CACNB3: variants seen among roughly 807,000 people sequenced by gnomAD.
CACNB3 encodes voltage-dependent L-type calcium channel subunit beta-3.
Under a neutral mutation model 63.7 loss-of-function variants are expected in CACNB3, and 36 were observed. The ratio of observed to expected loss-of-function variants is 0.57; its 90% CI spans 0.43 to 0.75. The LOEUF is 0.75. CACNB3 is among the 30% of genes least tolerant of loss of function. The pLI is 0.00. For synonymous variants in CACNB3, 241 were observed against 250.6 expected, an observed-to-expected ratio of 0.96 and a Z score of 0.36; for missense variants, 493 against 648.6, an observed-to-expected ratio of 0.76 and a Z score of 2.61.
chr12:48,824,862 G>T, intron 5 of CACNB3, 87 bp from the exon 6 acceptor site: 1 of 1,544,828 alleles, frequency 6.5e-7, no homozygotes, highest in Admixed American at 1.7e-5. Context: ...GGAGAAGCCA[G>T]TATCTCCCCT....
At chr12:48,815,618 G>A (rs995050951), upstream of CACNB3, 4 of 1,533,950 alleles carry the variant, frequency 2.6e-6, no homozygotes, top group South Asian at 4.8e-5. Context: ...GTGCAGAGCA[G>A]CGGCCGGGTT....
At chr12:48,817,467 TCC>T (rs1942312711), upstream of CACNB3, among the ~76,000 whole-genome samples, 1 of 152,104 alleles carries the variant, frequency 6.6e-6, no homozygotes, top group Non-Finnish European at 1.5e-5. Flanking sequence ...CCAGGAGGCC[TCC>T]AAGTGTAACC....
At chr12:48,816,321 A>G (rs1942286977), upstream of CACNB3, among the ~76,000 whole-genome samples, 1 of 152,210 alleles carries the variant, frequency 6.6e-6, no homozygotes. Context: ...GGTACCTGCC[A>G]GCTGCCAGTC....
upstream of CACNB3, chr12:48,816,752 G>A (rs1332164301): frequency 1.1e-5 from 7 of 666,084 alleles, no homozygotes; most frequent in South Asian, 1.4e-4. Flanking sequence ...TGGCAGATCC[G>A]CTGTTACCTA....
At chr12:48,815,620 G>C, upstream of CACNB3, 5 of 1,534,240 alleles carry the variant, frequency 3.3e-6, no homozygotes, top group Non-Finnish European at 2.6e-6. Context: ...GCAGAGCAGC[G>C]GCCGGGTTTT....
upstream of CACNB3, chr12:48,815,734 C>A: frequency 1.7e-6 from 1 of 604,376 alleles, no homozygotes; most frequent in Non-Finnish European, 2.5e-6. Context: ...ACGAGGTAAC[C>A]GTGGGGGGGG....
At chr12:48,815,463 G>C, upstream of CACNB3, 1 of 1,082,802 alleles carries the variant, frequency 9.2e-7, no homozygotes, top group East Asian at 2.7e-5. Flanking sequence ...GAGAGCCAGA[G>C]ACTGACAGAG....
rs931598717 is a variant in CACNB3, at chr12:48,823,083, G to C, written c.46-261G>C. On this transcript the variant is annotated intron_variant, in intron 1 of 12. Coordinates refer to ENST00000301050, the MANE Select transcript of CACNB3 (RefSeq NM_000725.4). The surrounding 1 kb of genome is among the most constrained non-coding windows in gnomAD (Gnocchi z 4.2). ...AAAGGGAGGAAAGAGAGAAGTGAAG[G>C]CTCTATTCAAAGCTGCAGTATTAAT... Among the ~76,000 whole-genome samples, 1 of 152,304 alleles carries C rather than the reference G, an allele frequency of 6.6e-6. No individual in the cohort carries two copies. Among genetic ancestry groups the C allele is most frequent in the South Asian group, 2.1e-4 (1 of 4,830 alleles).
At chr12:48,819,578 A>C (rs565493847) in intron 1 of CACNB3, 3 of 400,564 alleles carry the variant, frequency 7.5e-6, no homozygotes, top group South Asian at 5.2e-5. Flanking sequence ...TCCCAGGCTG[A>C]AACCTGGGCG....
rs755430012 is a variant in CACNB3, at chr12:48,824,668, G to T, written c.408-1G>T. On this transcript the variant is annotated splice_acceptor_variant, in intron 4 of 12. Transcript: ENST00000301050. LOFTEE classifies it high-confidence loss of function. The stretch of plus-strand genomic sequence containing the variant: ...TCTCTTTCACCTCCCTTTCTTCTCA[G>T]GAGATCTGGGAACCCTTCCAGCCTG... 2 of 1,613,318 alleles carry T rather than the reference G, an allele frequency of 1.2e-6. No homozygotes were observed. Among genetic ancestry groups the T allele is most frequent in the Non-Finnish European group, 1.7e-6 (2 of 1,179,582 alleles).
chr12:48,825,239 A>G lies in CACNB3; in HGVS notation c.569A>G (p.Tyr190Cys). The change falls in exon 7 of 13, where the codon TAT becomes TGT. Residue 190 changes from tyrosine (Y) to cysteine (C), a missense_variant. By Grantham distance (194) the Tyr-to-Cys change is radical. Coordinates refer to ENST00000301050, the MANE Select transcript of CACNB3 (RefSeq NM_000725.4). The surrounding 1 kb of genome is among the most constrained non-coding windows in gnomAD (Gnocchi z 4.5). ...CTGGTGGGACCCTCTCTGAAAGGTTATGAGGTGAGAGGAGGTCCTTGACCC... is the reference window on the plus strand; with the variant it reads ...CTGGTGGGACCCTCTCTGAAAGGTTGTGAGGTGAGAGGAGGTCCTTGACCC... ...VVLVGPSLKG[Y>C]EVTDMMQKAL... 6.2e-7 allele frequency: 1 copy of G among 1,613,928 alleles called. No individual in the cohort carries two copies. The highest frequency in any genetic ancestry group is 8.5e-7 in the Non-Finnish European group (1 of 1,179,880).
At position 48,826,694 on chromosome 12, in the gene CACNB3, G is replaced by A; in HGVS notation, c.895-65G>A. ...ACAAGTGGAAGAAATGCCTAGCTCTGCCCGGGCTCAGCTCTGCCCAGAGTC... is the reference window on the plus strand; with the variant it reads ...ACAAGTGGAAGAAATGCCTAGCTCTACCCGGGCTCAGCTCTGCCCAGAGTC... On this transcript the variant is annotated intron_variant, in intron 10 of 12. Coordinates refer to ENST00000301050, the MANE Select transcript of CACNB3 (RefSeq NM_000725.4). This position sits in a 1 kb window ranked among gnomAD's most constrained non-coding sequence, Gnocchi z 4.8. 3 of 1,480,352 alleles carry A rather than the reference G, an allele frequency of 2.0e-6. No homozygotes were observed. The Admixed American group carries it at 5.0e-5, about 25-fold the overall frequency. 91.7% of individuals were successfully genotyped at this position (1,480,352 alleles called of 1,614,324 possible).
chr12:48,821,201 T>G (rs1205925758), intron 1 of CACNB3: 1 of 149,996 alleles, frequency 6.7e-6, no homozygotes, highest in Non-Finnish European at 1.5e-5. Flanking sequence ...AAAAAAAAAT[T>G]ACTAAATTAA....
upstream of CACNB3, chr12:48,815,557 G>T: frequency 6.6e-7 from 1 of 1,507,096 alleles, no homozygotes; most frequent in Non-Finnish European, 8.8e-7. Context: ...GGGAGCAGGC[G>T]GCGGAGCCCG....
At chr12:48,816,553 C>T (rs953881222), upstream of CACNB3, among the ~76,000 whole-genome samples, 1 of 152,204 alleles carries the variant, frequency 6.6e-6, no homozygotes, top group African/African-American at 2.4e-5. Flanking sequence ...CATTGGGTAG[C>T]AACCCAGAGA....
At chr12:48,819,029 C>T in intron 1 of CACNB3, 55 bp downstream of exon 1, 3 of 1,550,548 alleles carry the variant, frequency 1.9e-6, no homozygotes, top group Non-Finnish European at 2.6e-6. Context: ...ACCTCCTCTC[C>T]CTTCAACCCT....
chr12:48,818,842 T>G lies in CACNB3; in HGVS notation c.-88T>G. 7.0e-7 allele frequency: 1 copy of G among 1,422,862 alleles called. No homozygotes were observed. Among genetic ancestry groups the G allele is most frequent in the Middle Eastern group, 2.3e-4 (1 of 4,322 alleles). The allele number at this position is 1,422,862 out of a possible 1,614,324, so 88.1% of individuals were successfully genotyped here. ...CGCAGGGCTGCGGGGCTCGGTGGCA[T>G]CTCCCGGGCGCGGCCCGCAGTCCTT... On this transcript the variant is annotated 5_prime_UTR_variant, in exon 1 of 13. Coordinates refer to ENST00000301050, the MANE Select transcript of CACNB3 (RefSeq NM_000725.4). This position sits in a 1 kb window ranked among gnomAD's most constrained non-coding sequence, Gnocchi z 4.3.
chr12:48,819,092 G>C, intron 1 of CACNB3, 118 bp downstream of exon 1: 2 of 772,434 alleles, frequency 2.6e-6, no homozygotes, highest in Non-Finnish European at 4.0e-6. Context: ...AGGGTTTGTA[G>C]GGGGGCGCTC....
rs371877529 is a variant in CACNB3, at chr12:48,826,949, G to A, written c.991-25G>A. 49 of 1,613,654 alleles carry A rather than the reference G, an allele frequency of 3.0e-5. No homozygotes were observed. In the African/African-American group the frequency reaches 3.7e-4, roughly 12 times the overall value. ...GGGCTGCTACTGAGGGGAAACCAAC[G>A]TTGCGCCTTCCTCCCCCTCCCCAGG... is the stretch of plus-strand genomic sequence containing the variant. On this transcript the variant is annotated intron_variant, in intron 11 of 12. Transcript: ENST00000301050. This position sits in a 1 kb window ranked among gnomAD's most constrained non-coding sequence, Gnocchi z 4.8.
Sources: gnomAD v4.1 joint callset for allele counts (sites outside exome capture counted in the v4.1 genomes callset) on GRCh38, gnomAD v4.1.1 for gene constraint, Gnocchi (gnomAD v3.1) non-coding constraint, MANE v1.5 for transcripts, NCBI Gene and HGNC (gene_info 2026-07-23, HGNC 2026-07-21) for gene names.